The following FOXP1 variants were observed in gnomAD, a reference collection of about 807,000 sequenced individuals.
FOXP1 encodes forkhead box protein P1.
Under a neutral mutation model 98.2 loss-of-function variants are expected in FOXP1, and 15 were observed. The observed-to-expected ratio is 0.15, with a 90% CI of 0.10 to 0.24. The LOEUF (loss-of-function observed/expected upper bound fraction) is 0.24, where lower values mean the gene tolerates loss of function less well. Among genes scored for constraint, FOXP1 ranks in the 10% least tolerant of loss-of-function variants. The pLI, the probability that FOXP1 is intolerant of heterozygous loss-of-function variation, is 1.00. For synonymous variants in FOXP1, 371 were observed against 314.5 expected (o/e 1.18, Z -1.90); for missense variants, 633 against 848.5 (o/e 0.75, Z 3.15).
intron 2 of FOXP1, among the ~76,000 whole-genome samples, chr3:71,567,436 A>G (rs1200463622): frequency 6.6e-6 from 1 of 152,082 alleles, no homozygotes; most frequent in Admixed American, 6.6e-5. Context: ...AGTGCATATT[A>G]AAGGAGAGAA....
At chr3:71,173,691 T>A (rs111778602) in intron 6 of FOXP1, among the ~76,000 whole-genome samples, 2 of 152,298 alleles carry the variant, frequency 1.3e-5, no homozygotes, top group African/African-American at 4.8e-5. Flanking sequence ...GGTTATCTCC[T>A]GCATGGCTGA....
chr3:71,162,634 T>TA (rs2061196158), intron 6 of FOXP1, among the ~76,000 whole-genome samples: 1 of 152,192 alleles, frequency 6.6e-6, no homozygotes, highest in Non-Finnish European at 1.5e-5. Flanking sequence ...GTCAAACTGA[T>TA]AGAGACAGGA....
chr3:71,280,539 G>A (rs1399053739), intron 5 of FOXP1, among the ~76,000 whole-genome samples: 2 of 151,842 alleles, frequency 1.3e-5, no homozygotes, highest in Admixed American at 6.6e-5. Flanking sequence ...GGACAGGCTC[G>A]TCTCAAACTC....
At chr3:71,431,455 A>G (rs549223286) in intron 3 of FOXP1, among the ~76,000 whole-genome samples, 3 of 152,164 alleles carry the variant, frequency 2.0e-5, no homozygotes, top group Non-Finnish European at 4.4e-5. Flanking sequence ...GCACTTAGCT[A>G]AGCTACGAGC....
intron 2 of FOXP1, among the ~76,000 whole-genome samples, chr3:71,547,408 A>G (rs1375773053): frequency 2.6e-5 from 4 of 152,202 alleles, no homozygotes; most frequent in Admixed American, 6.5e-5. Flanking sequence ...ATCAGGCCTT[A>G]TCCAAAAAGA....
At chr3:71,269,081 A>T (rs2070052554) in intron 5 of FOXP1, among the ~76,000 whole-genome samples, 1 of 150,270 alleles carries the variant, frequency 6.7e-6, no homozygotes, top group Non-Finnish European at 1.5e-5. Context: ...ACAGCTACTC[A>T]GAGTGGGGTT....
rs184725479 is a variant in FOXP1 at position 71,294,397 on chromosome 3, G to A, written c.-12+5423C>T. Among the ~76,000 whole-genome samples the A allele has an allele frequency of 7.7e-4, 117 of 152,126 alleles. 1 individual carries two copies. Among genetic ancestry groups the A allele is most frequent in the African/African-American group, 2.7e-3 (113 of 41,490 alleles). On this transcript the variant is annotated intron_variant, in intron 5 of 20. Coordinates refer to ENST00000649528, the MANE Select transcript of FOXP1 (RefSeq NM_001349338.3). ...AAAACACATAATTCCCGACACCCTGGACTCCTTGTTTTAGACCACTTCTCA... is the reference window on the plus strand; with the variant it reads ...AAAACACATAATTCCCGACACCCTGAACTCCTTGTTTTAGACCACTTCTCA...
intron 2 of FOXP1, among the ~76,000 whole-genome samples, chr3:71,569,595 A>G (rs2047173327): frequency 6.6e-6 from 1 of 152,164 alleles, no homozygotes; most frequent in African/African-American, 2.4e-5. Context: ...AACATCATCT[A>G]TATATTTTAT....
intron 4 of FOXP1, among the ~76,000 whole-genome samples, chr3:71,322,584 G>T (rs778085429): frequency 1.3e-5 from 2 of 152,178 alleles, no homozygotes; most frequent in Non-Finnish European, 2.9e-5. Flanking sequence ...ACAGGAGCCA[G>T]GTGGAGCGAG....
At chr3:71,209,931 T>C (rs756220534) in intron 5 of FOXP1, among the ~76,000 whole-genome samples, 1 of 152,214 alleles carries the variant, frequency 6.6e-6, no homozygotes, top group East Asian at 1.9e-4. Flanking sequence ...TTTATCTATA[T>C]CTTACACTTA....
At chr3:71,130,571 G>A (rs1242913848) in intron 6 of FOXP1, 1 of 1,598,410 alleles carries the variant, frequency 6.3e-7, no homozygotes. Flanking sequence ...GCTGTAGATG[G>A]GTTCTGGCTG....
chr3:71,246,221 G>T (rs2067735712), intron 5 of FOXP1, among the ~76,000 whole-genome samples: 1 of 152,178 alleles, frequency 6.6e-6, no homozygotes, highest in Non-Finnish European at 1.5e-5. Context: ...CATGAGATCA[G>T]CCAAAATGAG....
At position 71,168,888 on chromosome 3, in the gene FOXP1, G is replaced by C. The variant is rs191602138; in HGVS notation, c.180+29314C>G. The stretch of plus-strand genomic sequence containing the variant: ...GAAACTTAAGATAAGGAAAGAGACA[G>C]GTTATAGATGGGTACAGAGGTAACT... On this transcript the variant is annotated intron_variant, in intron 6 of 20. Transcript: ENST00000649528. 1.7e-4 allele frequency among the ~76,000 whole-genome samples: 26 copies of C among 152,278 alleles called. No individual in the cohort carries two copies. In the East Asian group the frequency reaches 5.0e-3, roughly 29 times the overall value.
chr3:71,005,711 G>A (rs2042726345), intron 12 of FOXP1, among the ~76,000 whole-genome samples: 1 of 152,190 alleles, frequency 6.6e-6, no homozygotes, highest in South Asian at 2.1e-4. Context: ...AAAAGCAGAC[G>A]TGAAGAGATT....
chr3:71,435,274 A>C (rs62246022), intron 3 of FOXP1, among the ~76,000 whole-genome samples: 1 of 424 alleles, frequency 2.4e-3, no homozygotes, highest in East Asian at 0.013. Flanking sequence ...GAGGGAGGGA[A>C]GAAGGGAGGG....
intron 11 of FOXP1, among the ~76,000 whole-genome samples, chr3:71,027,654 A>G (rs1285844074): frequency 2.0e-5 from 3 of 152,218 alleles, no homozygotes; most frequent in Admixed American, 2.0e-4. Context: ...CCTACATCAT[A>G]TATTTAAGAT....
At chr3:71,262,706 A>T (rs1434839058) in intron 5 of FOXP1, among the ~76,000 whole-genome samples, 1 of 152,160 alleles carries the variant, frequency 6.6e-6, no homozygotes, top group Admixed American at 6.5e-5. Flanking sequence ...CTCCTGTGTA[A>T]TGGATTTGGA....
At chr3:71,540,524 T>G (rs2044715722) in intron 2 of FOXP1, among the ~76,000 whole-genome samples, 1 of 152,214 alleles carries the variant, frequency 6.6e-6, no homozygotes, top group Admixed American at 6.5e-5. Flanking sequence ...TAATAAACTT[T>G]CGTTAAGGAC....
At chr3:71,488,404 T>C (rs551510142) in intron 3 of FOXP1, among the ~76,000 whole-genome samples, 2 of 152,324 alleles carry the variant, frequency 1.3e-5, no homozygotes, top group South Asian at 2.1e-4. Flanking sequence ...TGTGTGGTAC[T>C]AGGGAACTGG....
Sources: allele counts gnomAD v4.1 joint callset (sites outside exome capture counted in the v4.1 genomes callset), GRCh38; gene constraint gnomAD v4.1.1; transcripts MANE v1.5; gene names NCBI Gene and HGNC (gene_info 2026-07-23, HGNC 2026-07-21).